The following HGF variants were observed in gnomAD, a reference collection of about 807,000 sequenced individuals.
HGF encodes fibroblast-derived tumor cytotoxic factor.
In HGF, 39 loss-of-function variants were observed where a neutral mutation model predicts 111.6. The observed-to-expected ratio is 0.35, with a 90% CI of 0.27 to 0.46. The LOEUF is 0.46. Among genes scored for constraint, HGF ranks in the 20% least tolerant of loss-of-function variants. The pLI is 1.00. For synonymous variants in HGF, 285 were observed against 294.8 expected (o/e 0.97, Z 0.34); for missense variants, 735 against 910.5 (o/e 0.81, Z 2.48).
intron 9 of HGF, among the ~76,000 whole-genome samples, chr7:81,722,311 G>A (rs1029814453): frequency 6.6e-6 from 1 of 151,442 alleles, no homozygotes; most frequent in South Asian, 2.1e-4. Flanking sequence ...TTACAGGCAT[G>A]CATCACCACA....
intron 11 of HGF, among the ~76,000 whole-genome samples, chr7:81,714,965 C>A (rs547713815): frequency 6.6e-6 from 1 of 152,048 alleles, no homozygotes; most frequent in Non-Finnish European, 1.5e-5. Context: ...AGTATTTAAT[C>A]AAATACTAGT....
At chr7:81,751,089 C>T (rs1788476777) in intron 5 of HGF, 1 of 975,628 alleles carries the variant, frequency 1.0e-6, no homozygotes, top group South Asian at 4.7e-5. Context: ...AATTAGCTAA[C>T]AGTAGCCTTT....
At chr7:81,732,614 C>T (rs1466518635) in intron 7 of HGF, among the ~76,000 whole-genome samples, 1 of 151,984 alleles carries the variant, frequency 6.6e-6, no homozygotes, top group Non-Finnish European at 1.5e-5. Flanking sequence ...TAAACTCAGA[C>T]ACAAGTGGAA....
rs1789302841 is a variant in HGF, at chr7:81,702,320, T to G, written c.*261A>C. The G allele has an allele frequency of 7.9e-6, 3 of 381,344 alleles. No homozygotes were observed. In the South Asian group the frequency reaches 1.4e-4, roughly 18 times the overall value. 23.6% of individuals were successfully genotyped at this position (381,344 alleles called of 1,614,324 possible). A position where few individuals can be genotyped will look rare whatever the true frequency, so the allele number is the denominator to read the frequency against. ...ATCATCCAGCAAATATACCTGTGTG[T>G]TTTTTTAATCCATTCAAGTATCTTC... On this transcript the variant is annotated 3_prime_UTR_variant, in exon 18 of 18. Transcript: ENST00000222390.
chr7:81,752,352 G>T, intron 4 of HGF, 90 bp from the exon 5 acceptor site: 2 of 1,063,390 alleles, frequency 1.9e-6, no homozygotes, highest in Non-Finnish European at 2.9e-6. Context: ...TGTTTTTGCT[G>T]AAGGTAGAAA....
chr7:81,735,025 T>A (rs898928778), intron 7 of HGF, among the ~76,000 whole-genome samples: 1 of 152,106 alleles, frequency 6.6e-6, no homozygotes, highest in African/African-American at 2.4e-5. Context: ...TAGAATTTAC[T>A]TTATGAAGGT....
rs1258858592 is a variant in HGF at position 81,707,349 on chromosome 7, G to T, written c.1557C>A (p.Cys519Ter). Reference sequence around the variant, plus strand: ...AACTCTCCTTTATCAATGATCCTCCGCAGATATGTTTATTTCTGTGAAAAA... The same window carrying T: ...AACTCTCCTTTATCAATGATCCTCCTCAGATATGTTTATTTCTGTGAAAAA... ...VSLRYRNKHI[C>*]GGSLIKESWV... is the part of the protein sequence containing the mutation. The change falls in exon 14 of 18, where the codon TGC becomes TGA. Residue 519 changes from cysteine (C) to a stop codon, truncating the protein, a stop_gained. Transcript: ENST00000222390. LOFTEE classifies it high-confidence loss of function. The T allele has an allele frequency of 6.3e-7, 1 of 1,591,358 alleles. No individual in the cohort carries two copies. The highest frequency in any genetic ancestry group is 8.6e-7 in the Non-Finnish European group (1 of 1,159,974).
Position 81,702,710 on chromosome 7 carries a change from C to A in HGF, c.2058G>T (p.Met686Ile). 6.2e-7 allele frequency: 1 copy of A among 1,611,586 alleles called. No homozygotes were observed. Among genetic ancestry groups the A allele is most frequent in the Non-Finnish European group, 8.5e-7 (1 of 1,178,374 alleles). ...GACCAGGAACAATGACACCAAGAAC[C>A]ATTCTCATTTTATGTTGCTCACAAA... ...PLVCEQHKMR[M>I]VLGVIVPGRG... The change falls in exon 18 of 18, where the codon ATG becomes ATT. Residue 686 changes from methionine (M) to isoleucine (I), a missense_variant. Coordinates refer to ENST00000222390, the MANE Select transcript of HGF (RefSeq NM_000601.6).
At chr7:81,710,064 G>A (rs956444106) in intron 13 of HGF, 83 bp downstream of exon 13, 2 of 969,082 alleles carry the variant, frequency 2.1e-6, no homozygotes, top group African/African-American at 3.2e-5. Flanking sequence ...CAACCTTCAG[G>A]ACCACATGTG....
intron 4 of HGF, chr7:81,756,312 G>A: frequency 2.1e-6 from 1 of 469,984 alleles, no homozygotes; most frequent in Admixed American, 3.9e-5. Flanking sequence ...GATTAACAAG[G>A]TACAGTGCTC....
chr7:81,756,137 A>G (rs1788759164), intron 4 of HGF: 2 of 676,420 alleles, frequency 3.0e-6, no homozygotes, highest in African/African-American at 1.8e-5. Context: ...TTAAAAGCGC[A>G]GGTTATAGAG....
intron 1 of HGF, among the ~76,000 whole-genome samples, chr7:81,765,183 G>C (rs146440255): frequency 0.01 from 1,594 of 152,094 alleles, 14 homozygotes; most frequent in South Asian, 0.046. Flanking sequence ...TGTATCAAAT[G>C]AAACAAAATC....
intron 7 of HGF, among the ~76,000 whole-genome samples, chr7:81,730,337 C>T (rs1020223417): frequency 1.2e-4 from 18 of 152,108 alleles, no homozygotes; most frequent in African/African-American, 4.3e-4. Flanking sequence ...TGCCTGTAAT[C>T]CCAGCTACTT....
intron 17 of HGF, among the ~76,000 whole-genome samples, chr7:81,704,967 C>A (rs762664688): frequency 1.3e-5 from 2 of 151,626 alleles, no homozygotes; most frequent in African/African-American, 4.8e-5. Flanking sequence ...AACAGCTTAC[C>A]CAAAAAGAGA....
intron 14 of HGF, among the ~76,000 whole-genome samples, chr7:81,706,989 T>C (rs1022318868): frequency 6.6e-6 from 1 of 151,848 alleles, no homozygotes; most frequent in Non-Finnish European, 1.5e-5. Context: ...AAAAAAGAAT[T>C]ATATCTAGAA....
rs1005538964 is a variant in HGF at position 81,758,861 on chromosome 7, G to A, written c.255-57C>T. The A allele has an allele frequency of 4.4e-5, 49 of 1,120,218 alleles. No homozygotes were observed. In the African/African-American group the frequency reaches 6.9e-4, roughly 16 times the overall value. 69.4% of individuals were successfully genotyped at this position (1,120,218 alleles called of 1,614,324 possible). On this transcript the variant is annotated intron_variant, in intron 2 of 17. Coordinates refer to ENST00000222390, the MANE Select transcript of HGF (RefSeq NM_000601.6). ...TACTACTATTTATACAGTATTTAAA[G>A]AATGGGCATATGGTTCATCTTGTCC... is the stretch of plus-strand genomic sequence containing the variant.
At chr7:81,760,233 G>T in intron 2 of HGF, among the ~76,000 whole-genome samples, 1 of 152,096 alleles carries the variant, frequency 6.6e-6, no homozygotes, top group East Asian at 1.9e-4. Context: ...ATTTGTTGAT[G>T]GCAGGAAGGC....
intron 12 of HGF, 50 bp downstream of exon 12, chr7:81,711,429 GAC>G: frequency 1.0e-6 from 1 of 1,002,090 alleles, no homozygotes; most frequent in Non-Finnish European, 1.5e-6. Flanking sequence ...TGACACTTCT[GAC>G]ACACAGAGAG....
rs559646580 is a variant in HGF, at chr7:81,742,525, C to A, written c.865+828G>T. Reference sequence around the variant, plus strand: ...ATTATTATACCTTACTAAATTTATGCAATTCTATTGATTTTAAAGAATTTT... The same window carrying A: ...ATTATTATACCTTACTAAATTTATGAAATTCTATTGATTTTAAAGAATTTT... On this transcript the variant is annotated intron_variant, in intron 7 of 17. Coordinates refer to ENST00000222390, the MANE Select transcript of HGF (RefSeq NM_000601.6). Among the ~76,000 whole-genome samples the A allele has an allele frequency of 3.6e-4, 54 of 151,902 alleles. No individual in the cohort carries two copies. The South Asian group carries it at 0.011, about 30-fold the overall frequency.
Sources: gnomAD v4.1 joint callset for allele counts (sites outside exome capture counted in the v4.1 genomes callset) on GRCh38, gnomAD v4.1.1 for gene constraint, MANE v1.5 for transcripts, NCBI Gene and HGNC (gene_info 2026-07-23, HGNC 2026-07-21) for gene names.